The following SPATA7 variants were observed in gnomAD, a reference collection of about 807,000 sequenced individuals.
SPATA7 encodes spermatogenesis associated 7.
SPATA7 carries 43 observed loss-of-function variants against 51.8 expected under a neutral mutation model. The ratio of observed to expected loss-of-function variants is 0.83; its 90% confidence interval spans 0.65 to 1.07. The LOEUF is 1.07. SPATA7 is among the 50% of genes least tolerant of loss of function. The pLI, the probability that SPATA7 is intolerant of heterozygous loss-of-function variation, is 0.00. For synonymous variants in SPATA7, 230 were observed against 252.8 expected (o/e 0.91, Z 0.86); for missense variants, 683 against 701.3 (o/e 0.97, Z 0.30).
rs748310852 is a variant in SPATA7, at chr14:88,469,187, C to G, written c.255-660C>G. On this transcript the variant is annotated intron_variant, in intron 4 of 4. Coordinates refer to the SPATA7 transcript ENST00000556406. The surrounding 1 kb of genome is among the most constrained non-coding windows in gnomAD (Gnocchi z 4.3). ...TTAAGAGGACTGCAGATAAAGAGCA[C>G]TGGGTGCCAGTGAACCAAACCCAAC... 1.6e-6 allele frequency: 2 copies of G among 1,265,720 alleles called. No homozygotes were observed. The highest frequency in any genetic ancestry group is 2.2e-6 in the Non-Finnish European group (2 of 925,566). 78.4% of individuals were successfully genotyped at this position (1,265,720 alleles called of 1,614,324 possible).
downstream of SPATA7, among the ~76,000 whole-genome samples, chr14:88,440,739 A>G (rs74075335): frequency 0.026 from 3,935 of 152,034 alleles, 171 homozygotes; most frequent in African/African-American, 0.09. Context: ...TATCTTGGAG[A>G]GGGGTAATTA....
chr14:88,468,343 G>C, intron 4 of SPATA7: 3 of 1,381,920 alleles, frequency 2.2e-6, no homozygotes, highest in Non-Finnish European at 2.9e-6. Context: ...CGAGTGTCCT[G>C]GCAGAAACCT....
chr14:88,426,976 ATAT>A (rs1457974432), intron 6 of SPATA7, among the ~76,000 whole-genome samples: 1 of 152,182 alleles, frequency 6.6e-6, no homozygotes, highest in African/African-American at 2.4e-5. Context: ...ATGTTTTTAA[ATAT>A]TATACTTTCA....
At chr14:88,391,022 A>G (rs1362368037) in intron 1 of SPATA7, among the ~76,000 whole-genome samples, 2 of 152,160 alleles carry the variant, frequency 1.3e-5, no homozygotes, top group Non-Finnish European at 2.9e-5. Context: ...CTTAGATTTT[A>G]GTTCTCCTAG....
chr14:88,386,168 C>G (rs1424192223), intron 1 of SPATA7: 2 of 625,336 alleles, frequency 3.2e-6, no homozygotes, highest in Non-Finnish European at 5.0e-6. Flanking sequence ...CAGACCTCCC[C>G]GGGCCCCAAA....
chr14:88,417,016 G>C (rs1369449152), intron 5 of SPATA7, among the ~76,000 whole-genome samples, 172 bp downstream of exon 5: 5 of 152,128 alleles, frequency 3.3e-5, no homozygotes, highest in Non-Finnish European at 7.3e-5. Context: ...CTCTGCCATT[G>C]GAAGGCAGAC....
chr14:88,439,368 A>G (rs2077161964), downstream of SPATA7, among the ~76,000 whole-genome samples: 1 of 152,132 alleles, frequency 6.6e-6, no homozygotes, highest in South Asian at 2.1e-4. Context: ...CTTGTAGCTC[A>G]TGAATGAGAC....
In SPATA7 at chr14:88,426,427, C is replaced by T. The variant is rs1204063693; in HGVS notation, c.568C>T (p.Pro190Ser). The change falls in exon 6 of 12, where the codon CCC (proline) becomes TCC (serine). Residue 190 changes from proline (P) to serine (S), a missense_variant. By Grantham distance (74) the Pro-to-Ser change is moderately conservative (BLOSUM62 -1). Coordinates refer to ENST00000393545, the MANE Select transcript of SPATA7 (RefSeq NM_018418.5). ...CAGTGTGGATTATGCAGCCTCCGGGCCCCGGAAACTGAGCTCTGGAGCCCT... is the reference window on the plus strand; with the variant it reads ...CAGTGTGGATTATGCAGCCTCCGGGTCCCGGAAACTGAGCTCTGGAGCCCT... ...PSSVDYAASG[P>S]RKLSSGALYG... 9.3e-6 allele frequency: 15 copies of T among 1,614,058 alleles called. 1 individual carries two copies. Among genetic ancestry groups the T allele is most frequent in the Middle Eastern group, 1.6e-4 (1 of 6,084 alleles).
In SPATA7 at chr14:88,397,643, G is replaced by GAA. The variant is rs762638350; in HGVS notation, c.238+1454_238+1455dup. Reference sequence around the variant, plus strand: ...AGGTGACAGGGAGATGCTGTCTCAAGAAAAAAAAAAAAAAAGGAAAAAGAA... The same window carrying GAA: ...AGGTGACAGGGAGATGCTGTCTCAAGAAAAAAAAAAAAAAAAAGGAAAAAGAA... On this transcript the variant is annotated intron_variant, in intron 4 of 11. Coordinates refer to ENST00000393545, the MANE Select transcript of SPATA7 (RefSeq NM_018418.5). Among the ~76,000 whole-genome samples, 266 of 70,790 alleles carry GAA rather than the reference G, an allele frequency of 3.8e-3. 3 individuals are homozygous for GAA. Among genetic ancestry groups the GAA allele is most frequent in the African/African-American group, 0.014 (249 of 17,958 alleles). 46.4% of individuals were successfully genotyped at this position (70,790 alleles called of 152,430 possible).
At chr14:88,417,057 C>T (rs553166784) in intron 5 of SPATA7, among the ~76,000 whole-genome samples, 7 of 152,126 alleles carry the variant, frequency 4.6e-5, no homozygotes, top group South Asian at 2.1e-4. Context: ...TGAGTATAGC[C>T]GTGTTCTGCT....
At chr14:88,409,948 T>G (rs1324464433) in intron 4 of SPATA7, among the ~76,000 whole-genome samples, 1 of 152,236 alleles carries the variant, frequency 6.6e-6, no homozygotes, top group Non-Finnish European at 1.5e-5. Flanking sequence ...CACTGTGGTC[T>G]GAGAGACTGT....
chr14:88,445,802 A>G (rs1293338211), intron 3 of SPATA7, among the ~76,000 whole-genome samples: 1 of 152,148 alleles, frequency 6.6e-6, no homozygotes, highest in Non-Finnish European at 1.5e-5. Context: ...TGATTTGCGT[A>G]TATTGAACCA....
At chr14:88,457,970 A>G (rs1566797563), downstream of SPATA7, among the ~76,000 whole-genome samples, 1 of 152,146 alleles carries the variant, frequency 6.6e-6, no homozygotes, top group African/African-American at 2.4e-5. Flanking sequence ...CCTTTTCTGC[A>G]TCTATTGAGA....
At chr14:88,437,139 T>C (rs2077111409) in intron 10 of SPATA7, among the ~76,000 whole-genome samples, 2 of 151,918 alleles carry the variant, frequency 1.3e-5, no homozygotes, top group Admixed American at 6.6e-5. Context: ...ATAGGAATTT[T>C]TAAAAGTATA....
intron 4 of SPATA7, among the ~76,000 whole-genome samples, chr14:88,463,019 A>G (rs1207336560): frequency 6.6e-6 from 1 of 152,200 alleles, no homozygotes; most frequent in Non-Finnish European, 1.5e-5. Context: ...TAGAATACAC[A>G]TGGGTAATGT....
intron 4 of SPATA7, among the ~76,000 whole-genome samples, chr14:88,410,984 C>G (rs2076326366): frequency 6.6e-6 from 1 of 152,100 alleles, no homozygotes; most frequent in African/African-American, 2.4e-5. Context: ...CCACAGCCAC[C>G]CCTTCTCCCA....
At position 88,426,520 on chromosome 14, in the gene SPATA7, C is replaced by T. The variant is rs562928863; in HGVS notation, c.661C>T (p.Pro221Ser). 6.2e-7 allele frequency: 1 copy of T among 1,614,190 alleles called. No homozygotes were observed. The highest frequency in any genetic ancestry group is 2.2e-5 in the East Asian group (1 of 44,882). ...HRFQLVISKA[P>S]SGDLLDKHSE... ...GTTTCAGTTAGTCATTTCGAAAGCA[C>T]CCAGTGGGGATCTTTTGGATAAACA... The change falls in exon 6 of 12, where the codon CCC (proline) becomes TCC (serine). Residue 221 changes from proline to serine, a missense_variant. By Grantham distance (74) the Pro-to-Ser change is moderately conservative. Transcript: ENST00000393545.
intron 4 of SPATA7, among the ~76,000 whole-genome samples, chr14:88,413,958 A>G (rs2076408027): frequency 6.6e-6 from 1 of 151,826 alleles, no homozygotes; most frequent in Non-Finnish European, 1.5e-5. Context: ...GTTTGCTACT[A>G]TTTGTTGAGC....
At chr14:88,421,823 C>T (rs2076651489) in intron 5 of SPATA7, among the ~76,000 whole-genome samples, 1 of 151,932 alleles carries the variant, frequency 6.6e-6, no homozygotes, top group South Asian at 2.1e-4. Flanking sequence ...GTGGCATGCA[C>T]CTGTACTCCT....
Sources: gnomAD v4.1 joint callset for allele counts (sites outside exome capture counted in the v4.1 genomes callset) on GRCh38, gnomAD v4.1.1 for gene constraint, Gnocchi (gnomAD v3.1) non-coding constraint, MANE v1.5 for transcripts, NCBI Gene and HGNC (gene_info 2026-07-23, HGNC 2026-07-21) for gene names.